ABTB3: variants seen among roughly 807,000 people sequenced by gnomAD.
ABTB3 encodes ankyrin repeat and BTB domain containing 3.
chr12:107,448,977 G>A, the ABTB3 span, among the ~76,000 whole-genome samples: 1 of 152,240 alleles, frequency 6.6e-6, no homozygotes, highest in South Asian at 2.1e-4. Context: ...ATCTGGAAAA[G>A]CATGAATGCA....
At chr12:107,557,220 C>T in the ABTB3 span, among the ~76,000 whole-genome samples, 18 of 152,166 alleles carry the variant, frequency 1.2e-4, no homozygotes, top group Non-Finnish European at 1.8e-4. Flanking sequence ...AGTATAGCCT[C>T]GCCTCCACAC....
chr12:107,531,127 A>G, the ABTB3 span, among the ~76,000 whole-genome samples: 6 of 152,168 alleles, frequency 3.9e-5, no homozygotes, highest in African/African-American at 1.2e-4. Flanking sequence ...CACTGTTGTC[A>G]TTTTGGACTA....
the ABTB3 span, among the ~76,000 whole-genome samples, chr12:107,378,341 G>GC: frequency 8.4e-5 from 1 of 11,844 alleles, no homozygotes; most frequent in Non-Finnish European, 3.7e-4. Context: ...CTGCACCACT[G>GC]CCACCACAAA....
the ABTB3 span, among the ~76,000 whole-genome samples, chr12:107,390,141 C>T: frequency 2.6e-5 from 4 of 152,078 alleles, no homozygotes; most frequent in Admixed American, 2.6e-4. Flanking sequence ...CATTTGGGAC[C>T]CTCTTCAGAG....
the ABTB3 span, among the ~76,000 whole-genome samples, chr12:107,390,314 A>T: frequency 6.6e-6 from 1 of 152,182 alleles, no homozygotes; most frequent in African/African-American, 2.4e-5. Context: ...CCTTTTATGG[A>T]TGAGAGAATA....
the ABTB3 span, among the ~76,000 whole-genome samples, chr12:107,638,168 AAAGT>A: frequency 2.6e-5 from 4 of 152,190 alleles, no homozygotes; most frequent in Admixed American, 1.3e-4. Flanking sequence ...TAATATTTTT[AAAGT>A]AAGAGCCTTT....
the ABTB3 span, among the ~76,000 whole-genome samples, chr12:107,440,483 T>TA: frequency 1.8e-4 from 28 of 152,368 alleles, no homozygotes; most frequent in South Asian, 5.6e-3. Flanking sequence ...CCCTGCCTCT[T>TA]TGCTAGGGCC....
chr12:107,420,392 G>A, the ABTB3 span, among the ~76,000 whole-genome samples: 14 of 152,282 alleles, frequency 9.2e-5, no homozygotes, highest in South Asian at 2.1e-4. Context: ...CAATCATGGC[G>A]TAAGGCAAAG....
At chr12:107,583,258 C>T in the ABTB3 span, among the ~76,000 whole-genome samples, 5 of 152,156 alleles carry the variant, frequency 3.3e-5, no homozygotes, top group African/African-American at 7.2e-5. Flanking sequence ...CTAAAGTCCC[C>T]GAGCCTCTGC....
At chr12:107,635,398 G>C in the ABTB3 span, 2 of 1,611,508 alleles carry the variant, frequency 1.2e-6, no homozygotes, top group Non-Finnish European at 1.7e-6. Context: ...TGGGTGAGTG[G>C]TTCCCCCAGG....
the ABTB3 span, among the ~76,000 whole-genome samples, chr12:107,329,002 AG>A: frequency 6.6e-6 from 1 of 152,114 alleles, no homozygotes; most frequent in Non-Finnish European, 1.5e-5. Context: ...GCTGTCCATC[AG>A]ATCACAGCGT....
At chr12:107,438,762 C>CG in the ABTB3 span, among the ~76,000 whole-genome samples, 1 of 152,094 alleles carries the variant, frequency 6.6e-6, no homozygotes, top group Non-Finnish European at 1.5e-5. Context: ...GATGCAAGGA[C>CG]GCGTTAGCAC....
At chr12:107,431,875 T>A in the ABTB3 span, among the ~76,000 whole-genome samples, 4 of 152,140 alleles carry the variant, frequency 2.6e-5, no homozygotes, top group Admixed American at 6.5e-5. Flanking sequence ...GTAAGGAACA[T>A]CTGAGGCCCC....
the ABTB3 span, among the ~76,000 whole-genome samples, chr12:107,428,947 G>C: frequency 6.6e-6 from 1 of 152,188 alleles, no homozygotes; most frequent in Non-Finnish European, 1.5e-5. Flanking sequence ...GATGAGGTTT[G>C]TTCAAAGGCA....
At chr12:107,626,343 C>CTTTTTTTTTTTTTTT in the ABTB3 span, among the ~76,000 whole-genome samples, 11 of 112,526 alleles carry the variant, frequency 9.8e-5, no homozygotes, top group African/African-American at 3.6e-4. Context: ...CTATCGTCAT[C>CTTTTTTTTTTTTTTT]TTTTTTTTTT....
the ABTB3 span, among the ~76,000 whole-genome samples, chr12:107,583,280 T>G: frequency 6.6e-6 from 1 of 152,194 alleles, no homozygotes; most frequent in Non-Finnish European, 1.5e-5. Context: ...ACCGCTGAAA[T>G]AATAAGGAGG....
chr12:107,381,821 C>A, the ABTB3 span, among the ~76,000 whole-genome samples: 1 of 152,158 alleles, frequency 6.6e-6, no homozygotes, highest in Non-Finnish European at 1.5e-5. Context: ...TGCCTCAGCT[C>A]CCTCAGCTGT....
chr12:107,585,022 A>C, the ABTB3 span, among the ~76,000 whole-genome samples: 6 of 152,186 alleles, frequency 3.9e-5, no homozygotes, highest in Non-Finnish European at 7.3e-5. Context: ...GAAGGGAAGA[A>C]AAGAGCAATT....
the ABTB3 span, among the ~76,000 whole-genome samples, chr12:107,538,175 T>C: frequency 2.0e-5 from 3 of 152,144 alleles, no homozygotes; most frequent in African/African-American, 7.2e-5. Flanking sequence ...CCGGAGGCTG[T>C]GCTGCCCCCA....
Sources: gnomAD v4.1 joint callset for allele counts (sites outside exome capture counted in the v4.1 genomes callset) on GRCh38, gnomAD v4.1.1 for gene constraint, MANE v1.5 for transcripts, NCBI Gene and HGNC (gene_info 2026-07-23, HGNC 2026-07-21) for gene names.